PYGB: variants seen among roughly 807,000 people sequenced by gnomAD.
PYGB encodes the protein glycogen phosphorylase, brain form.
Under a neutral mutation model 94.3 loss-of-function variants are expected in PYGB, and 82 were observed. That is an observed-to-expected ratio of 0.87 (90% confidence interval 0.73 to 1.04). PYGB has a LOEUF of 1.04. PYGB is among the 50% of genes least tolerant of loss of function. The probability of loss-of-function intolerance (pLI) is 0.00; values close to 1 mark genes in which losing one functional copy is unlikely to be tolerated. For synonymous variants in PYGB, 488 were observed against 479.1 expected (o/e 1.02, Z -0.24); for missense variants, 1,132 against 1,158.2 (o/e 0.98, Z 0.33).
chr20:25,278,958 C>A, intron 8 of PYGB, 99 bp from the exon 9 acceptor site: 2 of 1,088,998 alleles, frequency 1.8e-6, no homozygotes, highest in Non-Finnish European at 2.6e-6. Flanking sequence ...GTGGGGTGGG[C>A]TGGGCTGGCT....
intron 15 of PYGB, among the ~76,000 whole-genome samples, chr20:25,289,531 AGT>A: frequency 6.6e-6 from 1 of 152,058 alleles, no homozygotes; most frequent in African/African-American, 2.4e-5. Context: ...CTGTAGTCCC[AGT>A]TACTTGGGAG....
At chr20:25,277,568 A>G (rs1230608262) in intron 7 of PYGB, among the ~76,000 whole-genome samples, 4 of 152,022 alleles carry the variant, frequency 2.6e-5, no homozygotes, top group Non-Finnish European at 5.9e-5. Context: ...CTCTCCGAGG[A>G]CACTCTCTGC....
intron 3 of PYGB, among the ~76,000 whole-genome samples, chr20:25,270,490 C>G (rs1169137365): frequency 6.6e-6 from 1 of 152,090 alleles, no homozygotes. Flanking sequence ...GCATGAGCCA[C>G]CACGCCCAGC....
At chr20:25,281,340 G>T (rs1323319914) in intron 11 of PYGB, among the ~76,000 whole-genome samples, 3 of 152,206 alleles carry the variant, frequency 2.0e-5, no homozygotes, top group African/African-American at 7.2e-5. Flanking sequence ...CTGGCTCTGC[G>T]GGCAACGGGG....
chr20:25,271,493 G>A lies in PYGB; in HGVS notation c.528+7G>A. 1 of 1,607,212 alleles carries A rather than the reference G, an allele frequency of 6.2e-7. No homozygotes were observed. Among genetic ancestry groups the A allele is most frequent in the Non-Finnish European group, 8.5e-7 (1 of 1,173,666 alleles). The stretch of plus-strand genomic sequence containing the variant: ...GATTGTCAATGGCTGGCAGGTGGGT[G>A]AGATTTCATTTCTTCACTGGTTTCC... On this transcript the variant is annotated splice_region_variant and intron_variant, in intron 4 of 19. Transcript: ENST00000216962.
rs1476078405 is a variant in PYGB, at chr20:25,296,648, G to A, written c.*126G>A. On this transcript the variant is annotated 3_prime_UTR_variant, in exon 20 of 20. Coordinates refer to ENST00000216962, the MANE Select transcript of PYGB (RefSeq NM_002862.4). ...TTTTCTGAGTACCATGTTTCCAGGA[G>A]GGGCCATGGGGGTCAGGGTGGTTTT... The A allele has an allele frequency of 1.6e-6, 2 of 1,247,448 alleles. No individual in the cohort carries two copies. Among genetic ancestry groups the A allele is most frequent in the Admixed American group, 2.5e-5 (1 of 40,444 alleles). The allele number at this position is 1,247,448 out of a possible 1,614,324, so 77.3% of individuals were successfully genotyped here. A position where few individuals can be genotyped will look rare whatever the true frequency, so the allele number is the denominator to read the frequency against.
rs2088398700 is a variant in PYGB at position 25,284,348 on chromosome 20, G to C, written c.1768+97G>C. 8.7e-6 allele frequency: 13 copies of C among 1,489,534 alleles called. No individual in the cohort carries two copies. The South Asian group carries it at 1.7e-4, about 19-fold the overall frequency. The allele number at this position is 1,489,534 out of a possible 1,614,324, so 92.3% of individuals were successfully genotyped here. On this transcript the variant is annotated intron_variant, in intron 14 of 19. Coordinates refer to ENST00000216962, the MANE Select transcript of PYGB (RefSeq NM_002862.4). ...AGACCCTGGGCCTCTGTCATGGTGGGGGCTGTGTGTGTATAGGCGTGTGCA... is the reference window on the plus strand; with the variant it reads ...AGACCCTGGGCCTCTGTCATGGTGGCGGCTGTGTGTGTATAGGCGTGTGCA...
intron 4 of PYGB, among the ~76,000 whole-genome samples, chr20:25,271,797 G>C (rs150623313): frequency 6.6e-6 from 1 of 152,190 alleles, no homozygotes. Flanking sequence ...GTAGCAGCCG[G>C]GCAGTGAGGG....
At chr20:25,261,060 T>C (rs2092912404) in intron 2 of PYGB, among the ~76,000 whole-genome samples, 1 of 152,240 alleles carries the variant, frequency 6.6e-6, no homozygotes, top group African/African-American at 2.4e-5. Context: ...GGGCAGGGCA[T>C]AGCTGAACAA....
intron 18 of PYGB, chr20:25,294,738 C>T (rs576622700): frequency 8.8e-5 from 55 of 626,804 alleles, no homozygotes; most frequent in African/African-American, 8.5e-4. Context: ...TCACTTGCAA[C>T]GATGTGACAT....
At chr20:25,255,544 G>C (rs1013623447) in intron 1 of PYGB, among the ~76,000 whole-genome samples, 5 of 152,230 alleles carry the variant, frequency 3.3e-5, no homozygotes, top group Non-Finnish European at 7.3e-5. Flanking sequence ...GGGACACTCT[G>C]CCCTGTGAGT....
At chr20:25,278,580 T>TG (rs1171585010) in intron 8 of PYGB, 118 bp downstream of exon 8, 6 of 1,363,444 alleles carry the variant, frequency 4.4e-6, no homozygotes, top group Non-Finnish European at 5.9e-6. Flanking sequence ...CCCCTTGTCT[T>TG]GGGGTCTCGT....
At position 25,296,754 on chromosome 20, in the gene PYGB, G is replaced by T. The variant is rs2088553517; in HGVS notation, c.*232G>T. 1 of 568,970 alleles carries T rather than the reference G, an allele frequency of 1.8e-6. No individual in the cohort carries two copies. The highest frequency in any genetic ancestry group is 3.0e-6 in the Non-Finnish European group (1 of 334,628). The allele number at this position is 568,970 out of a possible 1,614,324, so 35.2% of individuals were successfully genotyped here. ...GAAGCCAGAGTTGACAGTACAAAGGGTCGTGGCCAGCCCTGCAGCTTCAGC... is the reference window on the plus strand; with the variant it reads ...GAAGCCAGAGTTGACAGTACAAAGGTTCGTGGCCAGCCCTGCAGCTTCAGC... On this transcript the variant is annotated 3_prime_UTR_variant, in exon 20 of 20. Transcript: ENST00000216962.
At chr20:25,293,152 A>C in intron 17 of PYGB, among the ~76,000 whole-genome samples, 1 of 12,676 alleles carries the variant, frequency 7.9e-5, no homozygotes, top group Admixed American at 8.0e-4. Flanking sequence ...AGTGGGGGGG[A>C]TGGGGGGGTT....
chr20:25,257,831 C>T (rs2092905561), intron 1 of PYGB, among the ~76,000 whole-genome samples: 1 of 152,130 alleles, frequency 6.6e-6, no homozygotes, highest in Non-Finnish European at 1.5e-5. Context: ...GGTTAATAAA[C>T]CCTGCCTGGA....
chr20:25,265,676 G>C (rs986849908), intron 2 of PYGB, among the ~76,000 whole-genome samples: 2 of 150,428 alleles, frequency 1.3e-5, no homozygotes, highest in Non-Finnish European at 2.9e-5. Context: ...CTCACTGCAG[G>C]CTTCACCTCC....
intron 1 of PYGB, among the ~76,000 whole-genome samples, chr20:25,254,219 TGTC>T (rs2092896754): frequency 6.6e-6 from 1 of 152,234 alleles, no homozygotes; most frequent in South Asian, 2.1e-4. Flanking sequence ...ACAGTGCTGT[TGTC>T]TGCAAATCTT....
chr20:25,273,213 G>T (rs968227296), intron 4 of PYGB, among the ~76,000 whole-genome samples: 1 of 152,274 alleles, frequency 6.6e-6, no homozygotes, highest in African/African-American at 2.4e-5. Flanking sequence ...GGCTGCCTTT[G>T]TATGTGGGAA....
chr20:25,266,168 C>T (rs1302211183), intron 2 of PYGB, among the ~76,000 whole-genome samples: 1 of 152,032 alleles, frequency 6.6e-6, no homozygotes, highest in African/African-American at 2.4e-5. Flanking sequence ...TCTTTTGATT[C>T]ACAAAAGTTT....
Sources: allele counts gnomAD v4.1 joint callset (sites outside exome capture counted in the v4.1 genomes callset), GRCh38; gene constraint gnomAD v4.1.1; transcripts MANE v1.5; gene names NCBI Gene and HGNC (gene_info 2026-07-23, HGNC 2026-07-21).